Variants in ZNF385D observed in about 807,000 individuals in gnomAD.
The protein encoded by ZNF385D is zinc finger protein 659.
In ZNF385D, 15 loss-of-function variants were observed where a neutral mutation model predicts 35.8. That is an observed-to-expected ratio of 0.42 (90% confidence interval 0.28 to 0.64). The LOEUF (loss-of-function observed/expected upper bound fraction) is 0.64, where lower values mean the gene tolerates loss of function less well. Among genes scored for constraint, ZNF385D ranks in the 30% least tolerant of loss-of-function variants. ZNF385D has a pLI of 0.23. For missense variants in ZNF385D, 474 were observed against 494.6 expected (o/e 0.96, Z 0.39); for synonymous variants, 212 against 186.8 (o/e 1.13, Z -1.10).
chr3:22,144,945 T>C lies in ZNF385D; in HGVS notation c.325+23872A>G, dbSNP rs189649000. ...ATAAAATATTTAGACATGTAACACT[T>C]CCTTATTTAATAGGTAATCATAATC... On this transcript the variant is annotated intron_variant, in intron 3 of 5. Coordinates refer to the ZNF385D transcript ENST00000494108. Among the ~76,000 whole-genome samples the C allele has an allele frequency of 1.1e-3, 161 of 152,184 alleles. 1 individual carries two copies. Among genetic ancestry groups the C allele is most frequent in the Non-Finnish European group, 1.3e-3 (88 of 68,002 alleles).
At chr3:22,314,689 C>T (rs1436472695) in intron 2 of ZNF385D, among the ~76,000 whole-genome samples, 1 of 152,096 alleles carries the variant, frequency 6.6e-6, no homozygotes, top group Non-Finnish European at 1.5e-5. Flanking sequence ...CAAATTTCTA[C>T]TTTCTTGGGA....
At chr3:22,327,128 G>A (rs921427312) in intron 2 of ZNF385D, among the ~76,000 whole-genome samples, 12 of 152,040 alleles carry the variant, frequency 7.9e-5, no homozygotes, top group Non-Finnish European at 1.2e-4. Context: ...GAAGATTGTC[G>A]GAAAGTTTTG....
In ZNF385D at chr3:21,970,451, G is replaced by A. The variant is rs561825667; in HGVS notation, c.325+198366C>T. Among the ~76,000 whole-genome samples, 12 of 151,260 alleles carry A rather than the reference G, an allele frequency of 7.9e-5. No individual in the cohort carries two copies. The South Asian group carries it at 1.5e-3, about 18-fold the overall frequency. On this transcript the variant is annotated intron_variant, in intron 3 of 5. Transcript: ENST00000494108. Reference sequence around the variant, plus strand: ...GTCTCTTAACAGCAGAATTGATCAAGCAAAAGAAATAAATAGTGAGCTTGA... The same window carrying A: ...GTCTCTTAACAGCAGAATTGATCAAACAAAAGAAATAAATAGTGAGCTTGA...
intron 2 of ZNF385D, among the ~76,000 whole-genome samples, chr3:22,308,265 C>T (rs1000066577): frequency 2.6e-5 from 4 of 151,906 alleles, no homozygotes; most frequent in Non-Finnish European, 5.9e-5. Context: ...CTCATCTGAG[C>T]GGAATTTTAT....
intron 2 of ZNF385D, among the ~76,000 whole-genome samples, chr3:21,601,509 G>A (rs941944555): frequency 4.6e-5 from 7 of 152,184 alleles, no homozygotes; most frequent in African/African-American, 1.7e-4. Flanking sequence ...GGAGCGTTAA[G>A]CATATGGCCT....
chr3:21,466,669 G>T (rs1703536877), intron 4 of ZNF385D, among the ~76,000 whole-genome samples: 1 of 152,014 alleles, frequency 6.6e-6, no homozygotes, highest in South Asian at 2.1e-4. Context: ...AGTGAGTCCT[G>T]CTCATGGCAT....
At chr3:21,501,101 A>G (rs233169) in intron 4 of ZNF385D, among the ~76,000 whole-genome samples, 27,650 of 151,952 alleles carry the variant, frequency 0.18, 2,617 homozygotes, top group Admixed American at 0.28. Flanking sequence ...GGTTAAACCA[A>G]TCCCACAAGC....
rs116350766 is a variant in ZNF385D at position 22,363,627 on chromosome 3, T to C, written c.106+8823A>G. On this transcript the variant is annotated intron_variant, in intron 2 of 5. Coordinates refer to the ZNF385D transcript ENST00000494108. Reference sequence around the variant, plus strand: ...TTATCTGGAAAAATAGTATTCTGATTATATCTGCTTCTTTGGGTCTAATGG... The same window carrying C: ...TTATCTGGAAAAATAGTATTCTGATCATATCTGCTTCTTTGGGTCTAATGG... Among the ~76,000 whole-genome samples the C allele has an allele frequency of 3.2e-3, 484 of 152,266 alleles. 2 individuals carry two copies. The highest frequency in any genetic ancestry group is 0.011 in the African/African-American group (459 of 41,572).
chr3:22,096,814 A>G (rs1041948366), intron 3 of ZNF385D, among the ~76,000 whole-genome samples: 6 of 152,070 alleles, frequency 3.9e-5, no homozygotes, highest in Non-Finnish European at 8.8e-5. Context: ...ATATGGCCTC[A>G]CAATTCTCTG....
At chr3:21,483,050 GA>G (rs1277882873) in intron 4 of ZNF385D, among the ~76,000 whole-genome samples, 7 of 152,060 alleles carry the variant, frequency 4.6e-5, no homozygotes, top group Admixed American at 2.6e-4. Context: ...ACATTTCTAT[GA>G]AATTTTATCA....
At chr3:21,697,180 A>C (rs1051428040) in intron 1 of ZNF385D, among the ~76,000 whole-genome samples, 2 of 152,156 alleles carry the variant, frequency 1.3e-5, no homozygotes, top group African/African-American at 2.4e-5. Flanking sequence ...TAAAAGCTGA[A>C]GCTACTTCAT....
At chr3:21,988,495 A>G (rs1207547139) in intron 3 of ZNF385D, among the ~76,000 whole-genome samples, 49 of 142,604 alleles carry the variant, frequency 3.4e-4, no homozygotes, top group Middle Eastern at 3.5e-3. Context: ...GTCAGGGGTC[A>G]GGGACCCACT....
chr3:21,569,197 A>G (rs1401546946), intron 2 of ZNF385D, among the ~76,000 whole-genome samples: 1 of 151,302 alleles, frequency 6.6e-6, no homozygotes, highest in African/African-American at 2.4e-5. Flanking sequence ...GTGGGAGTCT[A>G]AGTCTCTTTG....
At chr3:22,348,485 T>TAAAA (rs1168729541) in intron 2 of ZNF385D, among the ~76,000 whole-genome samples, 2,212 of 84,748 alleles carry the variant, frequency 0.026, 143 homozygotes, top group African/African-American at 0.11. Context: ...CCATCTCTAC[T>TAAAA]AAAAAAAAAA....
intron 3 of ZNF385D, among the ~76,000 whole-genome samples, chr3:22,067,827 T>C (rs1162133045): frequency 1.3e-5 from 2 of 152,086 alleles, no homozygotes; most frequent in African/African-American, 4.8e-5. Flanking sequence ...ATCGAGACCA[T>C]CCTGCCCAAC....
intron 3 of ZNF385D, chr3:21,563,117 G>A (rs2063014660): frequency 6.6e-6 from 1 of 152,168 alleles, no homozygotes; most frequent in African/African-American, 2.4e-5. Context: ...AACCTTTTGG[G>A]AGATGATTAA....
Position 21,819,611 on chromosome 3 carries a change from T to C in ZNF385D, c.326-154583A>G, listed in dbSNP as rs2073303421. 2.0e-5 allele frequency among the ~76,000 whole-genome samples: 3 copies of C among 146,670 alleles called. No individual in the cohort carries two copies. The South Asian group carries it at 6.4e-4, about 31-fold the overall frequency. ...GTGCTACATATGTGTGTATATATGT[T>C]ATATATGTATGTATTATATAATTAT... On this transcript the variant is annotated intron_variant, in intron 3 of 5. Transcript: ENST00000494108.
At chr3:22,111,419 G>C (rs558206021) in intron 3 of ZNF385D, among the ~76,000 whole-genome samples, 1 of 152,094 alleles carries the variant, frequency 6.6e-6, no homozygotes, top group Admixed American at 6.6e-5. Flanking sequence ...GGACAAAGCA[G>C]AAAGTGAGCC....
At chr3:22,336,603 A>G (rs1246846710) in intron 2 of ZNF385D, among the ~76,000 whole-genome samples, 1 of 152,088 alleles carries the variant, frequency 6.6e-6, no homozygotes, top group African/African-American at 2.4e-5. Flanking sequence ...ACAACACATC[A>G]TCAAGTATTT....
Sources: allele counts gnomAD v4.1 joint callset (sites outside exome capture counted in the v4.1 genomes callset), GRCh38; gene constraint gnomAD v4.1.1; transcripts MANE v1.5; gene names NCBI Gene and HGNC (gene_info 2026-07-23, HGNC 2026-07-21).